The following DGKG variants were observed in gnomAD, a reference collection of about 807,000 sequenced individuals.
DGKG encodes DAG kinase gamma.
Under a neutral mutation model 105.3 loss-of-function variants are expected in DGKG, and 78 were observed. The observed-to-expected ratio is 0.74, with a 90% CI of 0.62 to 0.89. The LOEUF is 0.89. Among genes scored for constraint, DGKG ranks in the 40% least tolerant of loss-of-function variants. The probability of loss-of-function intolerance (pLI) is 0.00; values close to 1 mark genes in which losing one functional copy is unlikely to be tolerated. For missense variants in DGKG, 958 were observed against 1,020.1 expected (o/e 0.94, Z 0.83); for synonymous variants, 346 against 367.1 (o/e 0.94, Z 0.66).
chr3:186,308,564 G>A (rs1160339092), intron 2 of DGKG, among the ~76,000 whole-genome samples: 3 of 152,078 alleles, frequency 2.0e-5, no homozygotes, highest in Non-Finnish European at 2.9e-5. Flanking sequence ...TGTTCTCCAT[G>A]GCTTTGCTGA....
In DGKG at chr3:186,147,853, G is replaced by A. The variant is rs1054012369; in HGVS notation, c.*2237C>T. On this transcript the variant is annotated 3_prime_UTR_variant, in exon 25 of 25. Transcript: ENST00000265022. ...ACAAGTGGCTTCCAAGATAGTACCTGTAGTAATTCTGGAGCTTGTTGGTCC... is the reference window on the plus strand; with the variant it reads ...ACAAGTGGCTTCCAAGATAGTACCTATAGTAATTCTGGAGCTTGTTGGTCC... 13 of 985,392 alleles carry A rather than the reference G, an allele frequency of 1.3e-5. No homozygotes were observed. Among genetic ancestry groups the A allele is most frequent in the Non-Finnish European group, 1.6e-5 (13 of 829,908 alleles). 61.0% of individuals were successfully genotyped at this position (985,392 alleles called of 1,614,324 possible).
chr3:186,193,282 G>A (rs540186497), intron 21 of DGKG, among the ~76,000 whole-genome samples: 1 of 152,320 alleles, frequency 6.6e-6, no homozygotes. Context: ...ACTTGCCAGC[G>A]GTGTGATTCC....
intron 24 of DGKG, among the ~76,000 whole-genome samples, chr3:186,151,574 TGTG>T (rs1230558291): frequency 6.6e-6 from 1 of 152,084 alleles, no homozygotes; most frequent in African/African-American, 2.4e-5. Flanking sequence ...CTATGAGAAA[TGTG>T]GTCATGGACA....
intron 1 of DGKG, among the ~76,000 whole-genome samples, chr3:186,330,547 T>C (rs998074311): frequency 1.3e-5 from 2 of 152,206 alleles, no homozygotes; most frequent in African/African-American, 4.8e-5. Flanking sequence ...CTAAGGGCAC[T>C]GAACTGCCAT....
chr3:186,152,480 A>G (rs1322922210), intron 24 of DGKG, among the ~76,000 whole-genome samples: 1 of 151,848 alleles, frequency 6.6e-6, no homozygotes, highest in African/African-American at 2.4e-5. Context: ...TCCCATGCCC[A>G]TGAGGGGAAG....
intron 21 of DGKG, among the ~76,000 whole-genome samples, chr3:186,196,880 G>A (rs918665647): frequency 6.6e-6 from 1 of 152,220 alleles, no homozygotes; most frequent in African/African-American, 2.4e-5. Flanking sequence ...CAGAGTCAGA[G>A]TCACCGTGTG....
chr3:186,174,080 C>G (rs1256219423), intron 22 of DGKG, among the ~76,000 whole-genome samples: 2 of 152,230 alleles, frequency 1.3e-5, no homozygotes, highest in Non-Finnish European at 2.9e-5. Context: ...GCACGAGCTT[C>G]GGACAGAGTT....
In DGKG at chr3:186,251,909, C is replaced by T. The variant is rs377073909; in HGVS notation, c.1611G>A (p.Gly537=). Residue 537 remains glycine (G), a synonymous_variant, in exon 19 of 25, where the codon GGG becomes GGA. Transcript: ENST00000265022. Reference sequence around the variant, plus strand: ...CTTTCAGGATTTTTGTCAAGCTGCCCCCTTCATAACCTGTGGAGGACAGCA... The same window carrying T: ...CTTTCAGGATTTTTGTCAAGCTGCCTCCTTCATAACCTGTGGAGGACAGCA... ...RCLRWGGGYE[G]GSLTKILKDI... is the part of the protein sequence containing the mutation. 4.0e-5 allele frequency: 63 copies of T among 1,578,930 alleles called. 1 individual carries two copies. Among genetic ancestry groups the T allele is most frequent in the Non-Finnish European group, 5.2e-5 (60 of 1,161,092 alleles).
chr3:186,224,498 A>G (rs1215203209), intron 20 of DGKG, among the ~76,000 whole-genome samples: 2 of 152,162 alleles, frequency 1.3e-5, no homozygotes, highest in African/African-American at 4.8e-5. Context: ...AAGTTATATG[A>G]GTATGTGCAC....
At chr3:186,355,533 C>G (rs1343981301) in intron 1 of DGKG, among the ~76,000 whole-genome samples, 2 of 150,898 alleles carry the variant, frequency 1.3e-5, no homozygotes, top group Non-Finnish European at 3.0e-5. Context: ...CCACTACCAC[C>G]ATCACCACTA....
chr3:186,170,830 T>A (rs1716781019), intron 22 of DGKG, among the ~76,000 whole-genome samples: 2 of 152,150 alleles, frequency 1.3e-5, no homozygotes, highest in Admixed American at 1.3e-4. Flanking sequence ...CTAAAACCAT[T>A]TTCTTAAATC....
intron 1 of DGKG, among the ~76,000 whole-genome samples, chr3:186,325,069 G>A (rs537409947): frequency 2.6e-5 from 4 of 152,350 alleles, no homozygotes; most frequent in Non-Finnish European, 4.4e-5. Flanking sequence ...CAACATGGAT[G>A]CAGCTTGAGG....
rs111546114 is a variant in DGKG, at chr3:186,227,203, C to G, written c.1826+15301G>C. 3.2e-3 allele frequency among the ~76,000 whole-genome samples: 490 copies of G among 152,326 alleles called. 1 individual carries two copies. The highest frequency in any genetic ancestry group is 0.011 in the African/African-American group (474 of 41,568). Reference sequence around the variant, plus strand: ...GCATGCCTTTAAATTAGAGATTCTACAATGGATTCTCATATACTGCTGCAT... The same window carrying G: ...GCATGCCTTTAAATTAGAGATTCTAGAATGGATTCTCATATACTGCTGCAT... On this transcript the variant is annotated intron_variant, in intron 20 of 24. Transcript: ENST00000265022.
chr3:186,299,841 T>TTTCCTTCCTTC lies in DGKG; in HGVS notation c.145-1613_145-1612insGAAGGAAGGAA, dbSNP rs1446531456. 7.9e-4 allele frequency among the ~76,000 whole-genome samples: 59 copies of TTTCCTTCCTTC among 74,656 alleles called. 1 individual carries two copies. The highest frequency in any genetic ancestry group is 3.3e-3 in the African/African-American group (56 of 17,084). The allele number at this position is 74,656 out of a possible 152,430, so 49.0% of individuals were successfully genotyped here. On this transcript the variant is annotated intron_variant, in intron 3 of 24. Transcript: ENST00000265022. Reference sequence around the variant, plus strand: ...TCTTTCTTTCTTTCTTTCTTTCTTTTTTTTTTTTTTTGAGATAGAGCCTTG... The same window carrying TTTCCTTCCTTC: ...TCTTTCTTTCTTTCTTTCTTTCTTTTTTCCTTCCTTCTTTTTTTTTTTGAGATAGAGCCTTG...
rs1725024280 is a variant in DGKG, at chr3:186,320,390, C to G, written c.67+3G>C. The G allele has an allele frequency of 6.2e-7, 1 of 1,614,074 alleles. No individual in the cohort carries two copies. Among genetic ancestry groups the G allele is most frequent in the Non-Finnish European group, 8.5e-7 (1 of 1,180,020 alleles). On this transcript the variant is annotated splice_donor_region_variant and intron_variant, in intron 2 of 24. Coordinates refer to ENST00000265022, the MANE Select transcript of DGKG (RefSeq NM_001346.3). ...TCCCAGGGCTGTCAATGCATTTACT[C>G]ACATTCTGAATATTTCTGGAGTTGG... is the stretch of plus-strand genomic sequence containing the variant.
intron 19 of DGKG, among the ~76,000 whole-genome samples, chr3:186,250,885 T>A (rs566145183): frequency 5.2e-4 from 79 of 152,096 alleles, no homozygotes; most frequent in African/African-American, 1.9e-3. Context: ...AATACTAGTG[T>A]CTTTGTTGCA....
intron 2 of DGKG, among the ~76,000 whole-genome samples, chr3:186,308,108 A>C (rs1380685468): frequency 2.0e-5 from 3 of 152,002 alleles, no homozygotes; most frequent in Non-Finnish European, 2.9e-5. Context: ...TCTATGTTGC[A>C]TTTACTTTGG....
At chr3:186,301,630 GA>G (rs1260027520) in intron 3 of DGKG, among the ~76,000 whole-genome samples, 4 of 152,230 alleles carry the variant, frequency 2.6e-5, no homozygotes, top group East Asian at 1.9e-4. Flanking sequence ...CCGTCTCAAA[GA>G]AAAAAACTTT....
intron 21 of DGKG, among the ~76,000 whole-genome samples, chr3:186,193,283 G>T (rs561679064): frequency 1.3e-5 from 2 of 152,344 alleles, no homozygotes; most frequent in African/African-American, 4.8e-5. Flanking sequence ...CTTGCCAGCG[G>T]TGTGATTCCA....
Sources: allele counts gnomAD v4.1 joint callset (sites outside exome capture counted in the v4.1 genomes callset), GRCh38; gene constraint gnomAD v4.1.1; transcripts MANE v1.5; gene names NCBI Gene and HGNC (gene_info 2026-07-23, HGNC 2026-07-21).